ZNF804A: variants seen among roughly 807,000 people sequenced by gnomAD.
ZNF804A encodes zinc finger protein 804A.
Under a neutral mutation model 16.5 loss-of-function variants are expected in ZNF804A, and 2 were observed. That is an observed-to-expected ratio of 0.12 (90% CI 0.05 to 0.38). The LOEUF (loss-of-function observed/expected upper bound fraction) is 0.38, where lower values mean the gene tolerates loss of function less well. ZNF804A is among the 10% of genes least tolerant of loss of function. The probability of loss-of-function intolerance (pLI) is 0.99; values close to 1 mark genes in which losing one functional copy is unlikely to be tolerated. For synonymous variants in ZNF804A, 534 were observed against 489.6 expected, an observed-to-expected ratio of 1.09 and a Z score of -1.20; for missense variants, 1,473 against 1,390.7, an observed-to-expected ratio of 1.06 and a Z score of -0.94.
chr2:184,770,765 A>G (rs1011318611), intron 1 of ZNF804A, among the ~76,000 whole-genome samples: 2 of 152,060 alleles, frequency 1.3e-5, no homozygotes, highest in Non-Finnish European at 2.9e-5. Context: ...AACTATCTGA[A>G]ATGTAAAAGA....
chr2:184,886,782 C>A (rs1402075660), intron 2 of ZNF804A, among the ~76,000 whole-genome samples: 3 of 152,224 alleles, frequency 2.0e-5, no homozygotes. Context: ...CACAGGTCAC[C>A]AAGTCCCTAG....
intron 1 of ZNF804A, among the ~76,000 whole-genome samples, chr2:184,700,549 A>C (rs1692902404): frequency 6.6e-6 from 1 of 152,106 alleles, no homozygotes; most frequent in Non-Finnish European, 1.5e-5. Context: ...AAATAATAAA[A>C]AAATGACTTA....
intron 1 of ZNF804A, among the ~76,000 whole-genome samples, chr2:184,829,929 CAAAAAA>C (rs1225922566): frequency 2.8e-3 from 203 of 72,614 alleles, no homozygotes; most frequent in African/African-American, 0.014. Context: ...AAAACAAAAA[CAAAAAA>C]AAAAAAACCA....
chr2:184,901,503 A>G (rs1374606043), intron 2 of ZNF804A, among the ~76,000 whole-genome samples: 1 of 152,178 alleles, frequency 6.6e-6, no homozygotes, highest in Non-Finnish European at 1.5e-5. Context: ...CTTCAGCATG[A>G]AAGTGGCAAT....
intron 2 of ZNF804A, among the ~76,000 whole-genome samples, chr2:184,918,650 TA>T (rs898040485): frequency 6.6e-6 from 1 of 152,208 alleles, no homozygotes; most frequent in Non-Finnish European, 1.5e-5. Flanking sequence ...AAATTTAAAT[TA>T]AAAATCCATA....
chr2:184,927,138 T>A (rs188290340), intron 2 of ZNF804A, among the ~76,000 whole-genome samples: 445 of 152,358 alleles, frequency 2.9e-3, no homozygotes, highest in Non-Finnish European at 4.8e-3. Flanking sequence ...TTTGTACTTA[T>A]ACTTTTAGAA....
At chr2:184,794,612 T>C (rs765530341) in intron 1 of ZNF804A, among the ~76,000 whole-genome samples, 1 of 151,932 alleles carries the variant, frequency 6.6e-6, no homozygotes, top group Non-Finnish European at 1.5e-5. Context: ...AACCAAGGTA[T>C]ACAGGCAACA....
chr2:184,862,627 C>A (rs1015484842), intron 1 of ZNF804A, among the ~76,000 whole-genome samples: 4 of 151,856 alleles, frequency 2.6e-5, no homozygotes, highest in Non-Finnish European at 5.9e-5. Flanking sequence ...TCATATGAGT[C>A]TTTTATCATA....
rs562137103 is a variant in ZNF804A, at chr2:184,609,937, T to C, written c.111+10867T>C. On this transcript the variant is annotated intron_variant, in intron 1 of 3. Coordinates refer to ENST00000302277, the MANE Select transcript of ZNF804A (RefSeq NM_194250.2). ...TGGTTTGAATATGTCCCCCAGAAGCTCATGTGTTGAAAAAACTTTGTCCCC... is the reference window on the plus strand; with the variant it reads ...TGGTTTGAATATGTCCCCCAGAAGCCCATGTGTTGAAAAAACTTTGTCCCC... 2.6e-5 allele frequency among the ~76,000 whole-genome samples: 4 copies of C among 152,294 alleles called. No homozygotes were observed. The South Asian group carries it at 8.3e-4, about 32-fold the overall frequency.
intron 1 of ZNF804A, among the ~76,000 whole-genome samples, chr2:184,830,605 T>A (rs545114627): frequency 2.0e-4 from 31 of 152,292 alleles, no homozygotes; most frequent in African/African-American, 6.0e-4. Flanking sequence ...TAAGTATCTG[T>A]ATTTTAGTAA....
intron 1 of ZNF804A, among the ~76,000 whole-genome samples, chr2:184,600,246 C>T (rs1042841020): frequency 4.6e-5 from 7 of 152,108 alleles, no homozygotes; most frequent in Non-Finnish European, 8.8e-5. Context: ...TGTGTGTTTT[C>T]CAAGAATGAA....
chr2:184,605,509 CA>C, intron 1 of ZNF804A, among the ~76,000 whole-genome samples: 1 of 151,610 alleles, frequency 6.6e-6, no homozygotes, highest in East Asian at 1.9e-4. Context: ...CTCAAATACT[CA>C]AAAAAGAAAA....
At chr2:184,810,079 A>G (rs554397715) in intron 1 of ZNF804A, among the ~76,000 whole-genome samples, 26 of 152,292 alleles carry the variant, frequency 1.7e-4, no homozygotes, top group African/African-American at 6.3e-4. Context: ...CCAGGACTAA[A>G]TCCAGTCTGA....
chr2:184,937,362 C>T lies in ZNF804A; in HGVS notation c.1966C>T (p.Leu656Phe), dbSNP rs139488901. The T allele has an allele frequency of 3.5e-4, 569 of 1,613,530 alleles. No homozygotes were observed. Among genetic ancestry groups the T allele is most frequent in the Non-Finnish European group, 4.6e-4 (543 of 1,179,834 alleles). ...AEQLLDSHQL[L>F]DKRPKSESIS... is the part of the protein sequence containing the mutation. ...GCAATTATTAGACTCACATCAGTTACTTGATAAAAGGCCCAAATCAGAATC... is the reference window on the plus strand; with the variant it reads ...GCAATTATTAGACTCACATCAGTTATTTGATAAAAGGCCCAAATCAGAATC... The change falls in exon 4 of 4, where the codon CTT (leucine) becomes TTT (phenylalanine). Residue 656 changes from leucine to phenylalanine, a missense_variant. Leu to Phe is a conservative substitution (Grantham distance 22, BLOSUM62 0). Transcript: ENST00000302277.
At chr2:184,812,606 G>A (rs1207798327) in intron 1 of ZNF804A, among the ~76,000 whole-genome samples, 3 of 152,056 alleles carry the variant, frequency 2.0e-5, no homozygotes, top group Admixed American at 6.6e-5. Flanking sequence ...AGGAAAAAAG[G>A]GGACAAAATT....
chr2:184,866,788 AT>A (rs1695883333), intron 2 of ZNF804A, among the ~76,000 whole-genome samples: 1 of 151,332 alleles, frequency 6.6e-6, no homozygotes, highest in Non-Finnish European at 1.5e-5. Flanking sequence ...CGAAAACAAT[AT>A]TCTACAAGTG....
chr2:184,921,118 CA>C (rs370255069), intron 2 of ZNF804A, among the ~76,000 whole-genome samples: 112 of 152,220 alleles, frequency 7.4e-4, no homozygotes, highest in African/African-American at 2.6e-3. Context: ...CATCATTGAC[CA>C]AAGTGTTATT....
chr2:184,829,902 AAAAAAAAAAAAAAAAAAAAACAAAAAC>A lies in ZNF804A; in HGVS notation c.112-36453_112-36427del, dbSNP rs1305554648. Among the ~76,000 whole-genome samples, 1,009 of 111,476 alleles carry A rather than the reference AAAAAAAAAAAAAAAAAAAAACAAAAAC, an allele frequency of 9.1e-3. 23 individuals carry two copies. The highest frequency in any genetic ancestry group is 0.043 in the African/African-American group (947 of 21,838). 73.1% of individuals were successfully genotyped at this position (111,476 alleles called of 152,430 possible). A position where few individuals can be genotyped will look rare whatever the true frequency, so the allele number is the denominator to read the frequency against. ...CATGTCAAAACCCTGTCTCTACCAA[AAAAAAAAAAAAAAAAAAAAACAAAAAC>A]AAAAAAAAAAAAACCACACACACAC... On this transcript the variant is annotated intron_variant, in intron 1 of 3. Coordinates refer to ENST00000302277, the MANE Select transcript of ZNF804A (RefSeq NM_194250.2).
intron 1 of ZNF804A, among the ~76,000 whole-genome samples, chr2:184,740,367 T>C (rs1693693605): frequency 6.6e-6 from 1 of 152,216 alleles, no homozygotes; most frequent in Admixed American, 6.5e-5. Flanking sequence ...TAAATAGCAT[T>C]AGAGTGTTGG....
Sources: allele counts gnomAD v4.1 joint callset (sites outside exome capture counted in the v4.1 genomes callset), GRCh38; gene constraint gnomAD v4.1.1; transcripts MANE v1.5; gene names NCBI Gene and HGNC (gene_info 2026-07-23, HGNC 2026-07-21).